Variants in USP10 observed in about 807,000 individuals in gnomAD.
USP10 encodes the protein ubiquitin carboxyl-terminal hydrolase 10.
In USP10, 22 loss-of-function variants were observed where a neutral mutation model predicts 84.5. The observed-to-expected ratio is 0.26, with a 90% CI of 0.19 to 0.37. The LOEUF (loss-of-function observed/expected upper bound fraction) is 0.37. Ranked by LOEUF, USP10 falls within the 10% of genes least tolerant of loss-of-function variation. USP10 has a pLI of 1.00. For synonymous variants in USP10, 454 were observed against 387.6 expected (o/e 1.17, Z -2.01); for missense variants, 1,019 against 998.9 (o/e 1.02, Z -0.27).
rs9936670 is a variant in USP10, at chr16:84,727,459, A to C, written c.22-5976A>C. 3.8e-3 allele frequency among the ~76,000 whole-genome samples: 563 copies of C among 148,476 alleles called. 2 individuals are homozygous for C. The highest frequency in any genetic ancestry group is 7.7e-3 in the Admixed American group (117 of 15,162). On this transcript the variant is annotated intron_variant, in intron 1 of 13. Transcript: ENST00000219473. ...CACAATTTTCAGTGTTAGCTTTAAAAAAACAAACAAACAAACAAACAAACA... is the reference window on the plus strand; with the variant it reads ...CACAATTTTCAGTGTTAGCTTTAAACAAACAAACAAACAAACAAACAAACA...
chr16:84,710,517 ATAGAG>A (rs1906145489), intron 1 of USP10, among the ~76,000 whole-genome samples: 1 of 152,084 alleles, frequency 6.6e-6, no homozygotes, highest in African/African-American at 2.4e-5. Flanking sequence ...TGGTAATTGG[ATAGAG>A]TAGTTAGGGA....
intron 4 of USP10, among the ~76,000 whole-genome samples, chr16:84,747,814 G>A (rs1280264474): frequency 1.3e-5 from 2 of 151,846 alleles, no homozygotes; most frequent in African/African-American, 4.8e-5. Context: ...TGATCTGCTC[G>A]CTTCAGCCTC....
At chr16:84,725,758 T>A (rs1908385797) in intron 1 of USP10, among the ~76,000 whole-genome samples, 1 of 152,184 alleles carries the variant, frequency 6.6e-6, no homozygotes, top group African/African-American at 2.4e-5. Flanking sequence ...ATCCAAGAGA[T>A]CCTTTTGGAG....
intron 1 of USP10, among the ~76,000 whole-genome samples, chr16:84,730,078 A>G (rs1909009667): frequency 6.6e-6 from 1 of 152,136 alleles, no homozygotes; most frequent in African/African-American, 2.4e-5. Context: ...CCCTCCCAAG[A>G]AAACCCTCCA....
At position 84,744,868 on chromosome 16, in the gene USP10, T is replaced by C. The variant is rs143306753; in HGVS notation, c.387T>C (p.Asn129=). 524 of 1,613,736 alleles carry C rather than the reference T, an allele frequency of 3.2e-4. 1 individual carries two copies. The African/African-American group carries it at 6.4e-3, about 20-fold the overall frequency. The part of the protein sequence containing the change: ...GSALALDGSS[N]VEAEVLENDG... ...CCCTCGCTTTGGATGGAAGTTCTAA[T>C]GTGGAGGCGGAAGTTTTGGAAAATG... The change falls in exon 4 of 14, where the codon AAT becomes AAC. Residue 129 remains asparagine (N), a synonymous_variant. Coordinates refer to ENST00000219473, the MANE Select transcript of USP10 (RefSeq NM_005153.3).
chr16:84,768,475 T>A, intron 11 of USP10, 117 bp downstream of exon 11: 1 of 1,043,708 alleles, frequency 9.6e-7, no homozygotes, highest in Non-Finnish European at 1.3e-6. Flanking sequence ...ATCAGTTGCT[T>A]AACCATTTTG....
intron 1 of USP10, among the ~76,000 whole-genome samples, chr16:84,702,993 C>CA (rs1157728872): frequency 0.11 from 5,779 of 52,082 alleles, 437 homozygotes; most frequent in South Asian, 0.29. Flanking sequence ...ACTCCCGTCT[C>CA]AAAAAAAAAA....
At chr16:84,758,905 C>A in intron 5 of USP10, 98 bp downstream of exon 5, 1 of 847,434 alleles carries the variant, frequency 1.2e-6, no homozygotes, top group Non-Finnish European at 2.0e-6. Context: ...CCATCTAGCT[C>A]TCCATTTGAA....
At chr16:84,756,954 T>C (rs569456232) in intron 4 of USP10, among the ~76,000 whole-genome samples, 1 of 152,328 alleles carries the variant, frequency 6.6e-6, no homozygotes, top group African/African-American at 2.4e-5. Context: ...CCCTTATATA[T>C]TGAGGAAAGG....
intron 1 of USP10, among the ~76,000 whole-genome samples, chr16:84,717,581 T>G (rs1907208433): frequency 6.6e-6 from 1 of 152,230 alleles, no homozygotes; most frequent in African/African-American, 2.4e-5. Context: ...TGTCAGCATT[T>G]GCTAGTCTCT....
chr16:84,731,479 G>A (rs544065583), intron 1 of USP10, among the ~76,000 whole-genome samples: 3 of 151,508 alleles, frequency 2.0e-5, no homozygotes, highest in Non-Finnish European at 2.9e-5. Context: ...TGTATTTCTC[G>A]AATTCATTTT....
chr16:84,767,021 C>T (rs1440304524), intron 10 of USP10, among the ~76,000 whole-genome samples: 1 of 152,284 alleles, frequency 6.6e-6, no homozygotes, highest in East Asian at 1.9e-4. Context: ...TCTCCACCAG[C>T]TCTCATGAGC....
At chr16:84,726,174 CAG>C (rs765531750) in intron 1 of USP10, among the ~76,000 whole-genome samples, 85 of 152,286 alleles carry the variant, frequency 5.6e-4, no homozygotes, top group African/African-American at 1.2e-3. Flanking sequence ...TTCAAATTTC[CAG>C]AGAGATGAAA....
At chr16:84,757,406 T>G (rs965634227) in intron 4 of USP10, among the ~76,000 whole-genome samples, 3 of 49,098 alleles carry the variant, frequency 6.1e-5, no homozygotes, top group Admixed American at 1.5e-4. Flanking sequence ...GGTGGGGGTG[T>G]GTGTGTGTGT....
chr16:84,703,415 C>G (rs1247643266), intron 1 of USP10, among the ~76,000 whole-genome samples: 3 of 152,208 alleles, frequency 2.0e-5, no homozygotes, highest in Non-Finnish European at 2.9e-5. Context: ...TCACCCCAGT[C>G]TCTTTTTTAG....
chr16:84,728,305 A>G (rs554410255), intron 1 of USP10, among the ~76,000 whole-genome samples: 38 of 152,176 alleles, frequency 2.5e-4, no homozygotes, highest in Non-Finnish European at 5.3e-4. Context: ...AAATATATTG[A>G]ATAAATTGAA....
chr16:84,760,588 A>C (rs1001371906), intron 8 of USP10, among the ~76,000 whole-genome samples: 16 of 152,028 alleles, frequency 1.1e-4, no homozygotes, highest in African/African-American at 3.9e-4. Flanking sequence ...AGTTCTCTTA[A>C]CCACTGCACT....
chr16:84,743,342 C>G (rs1910843302), intron 3 of USP10, among the ~76,000 whole-genome samples: 1 of 152,192 alleles, frequency 6.6e-6, no homozygotes, highest in Non-Finnish European at 1.5e-5. Context: ...GGCTGTGATT[C>G]TAAAGCATAC....
At chr16:84,773,876 A>G (rs974729288) in intron 12 of USP10, among the ~76,000 whole-genome samples, 3 of 152,186 alleles carry the variant, frequency 2.0e-5, no homozygotes, top group African/African-American at 7.2e-5. Context: ...ATGTTTTGCT[A>G]CAGTGATTTT....
Sources: gnomAD v4.1 joint callset for allele counts (sites outside exome capture counted in the v4.1 genomes callset) on GRCh38, gnomAD v4.1.1 for gene constraint, MANE v1.5 for transcripts, NCBI Gene and HGNC (gene_info 2026-07-23, HGNC 2026-07-21) for gene names.